The following MAP1B variants were observed in gnomAD, a reference collection of about 807,000 sequenced individuals.
MAP1B encodes microtubule-associated protein 1B.
In MAP1B, 12 loss-of-function variants were observed where a neutral mutation model predicts 176.1. The observed-to-expected ratio is 0.07, with a 90% CI of 0.04 to 0.11. The LOEUF (loss-of-function observed/expected upper bound fraction) is 0.11, where lower values mean the gene tolerates loss of function less well. MAP1B is among the 10% of genes least tolerant of loss of function. The pLI is 1.00. For missense variants in MAP1B, 2,523 were observed against 2,990.5 expected (o/e 0.84, Z 3.65); for synonymous variants, 1,044 against 1,135.0 (o/e 0.92, Z 1.61).
intron 2 of MAP1B, among the ~76,000 whole-genome samples, chr5:72,181,627 G>T (rs1449853128): frequency 6.6e-6 from 1 of 151,972 alleles, no homozygotes; most frequent in South Asian, 2.1e-4. Flanking sequence ...ACATGTTCTT[G>T]GCTCACTGCA....
rs757286026 is a variant in MAP1B, at chr5:72,199,044, C to T, written c.5689C>T (p.Arg1897Trp). ...YDYESYEKTT[R>W]TSDVGGYYYE... is the part of the protein sequence containing the mutation. ...CTATGAGTCTTATGAGAAGACCACC[C>T]GGACCTCAGATGTGGGTGGCTATTA... Residue 1897 changes from arginine to tryptophan, a missense_variant, in exon 5 of 7, where the codon CGG becomes TGG. Transcript: ENST00000296755. The surrounding 1 kb of genome is among the most constrained non-coding windows in gnomAD (Gnocchi z 4.2). 16 of 1,613,982 alleles carry T rather than the reference C, an allele frequency of 9.9e-6. No homozygotes were observed. The highest frequency in any genetic ancestry group is 2.7e-5 in the African/African-American group (2 of 74,888).
At position 72,198,110 on chromosome 5, in the gene MAP1B, A is replaced by G; in HGVS notation, c.4755A>G (p.Glu1585=). 2 of 1,614,190 alleles carry G rather than the reference A, an allele frequency of 1.2e-6. No homozygotes were observed. Among genetic ancestry groups the G allele is most frequent in the Non-Finnish European group, 1.7e-6 (2 of 1,180,020 alleles). The change falls in exon 5 of 7, where the codon GAA becomes GAG. Residue 1585 remains glutamate (E), a synonymous_variant. Coordinates refer to ENST00000296755, the MANE Select transcript of MAP1B (RefSeq NM_005909.5). ...HAEVGSPHST[E]VDDSLSVSVV... ...AGGTTGGCTCCCCACATTCCACAGA[A>G]GTAGATGACTCCCTTTCAGTGTCTG...
Position 72,196,424 on chromosome 5 carries a change from G to A in MAP1B, c.3069G>A (p.Glu1023=). The change falls in exon 5 of 7, where the codon GAG becomes GAA. Residue 1023 remains glutamate, a synonymous_variant. Transcript: ENST00000296755. This position sits in a 1 kb window ranked among gnomAD's most constrained non-coding sequence, Gnocchi z 5.3. ...AATCTGAAGAGGAGGCTGATGAGGA[G>A]GACAAAGCTGAAGATGCCAGAGAGG... ...AEQSEEEADE[E]DKAEDAREEE... The A allele has an allele frequency of 6.2e-7, 1 of 1,613,890 alleles. No individual in the cohort carries two copies. The highest frequency in any genetic ancestry group is 8.5e-7 in the Non-Finnish European group (1 of 1,179,994).
chr5:72,160,302 T>C (rs905981211), intron 2 of MAP1B, among the ~76,000 whole-genome samples: 2 of 152,226 alleles, frequency 1.3e-5, no homozygotes, highest in African/African-American at 4.8e-5. Flanking sequence ...ATCACATCTT[T>C]GATCAAGAGC....
In MAP1B at chr5:72,197,975, A is replaced by G; in HGVS notation, c.4620A>G (p.Glu1540=). 1 of 1,614,230 alleles carries G rather than the reference A, an allele frequency of 6.2e-7. No individual in the cohort carries two copies. ...SATPVDEGVA[E]DTYSHMEGVA... ...CTCCTGTTGATGAGGGCGTAGCAGA[A>G]GACACGTACTCTCATATGGAGGGTG... The change falls in exon 5 of 7, where the codon GAA becomes GAG. Residue 1540 remains glutamate (E), a synonymous_variant. Coordinates refer to ENST00000296755, the MANE Select transcript of MAP1B (RefSeq NM_005909.5).
At chr5:72,108,099 C>T (rs1450226462) in intron 1 of MAP1B, among the ~76,000 whole-genome samples, 1 of 152,196 alleles carries the variant, frequency 6.6e-6, no homozygotes, top group East Asian at 1.9e-4. Context: ...CCTCTTCTGG[C>T]CTCAGGAAAA....
chr5:72,182,554 C>T (rs1168870314), intron 2 of MAP1B, among the ~76,000 whole-genome samples: 1 of 152,204 alleles, frequency 6.6e-6, no homozygotes, highest in African/African-American at 2.4e-5. Context: ...AGCATCTGTT[C>T]GGGTTCCTGC....
At chr5:72,166,793 A>G (rs1746440042) in intron 2 of MAP1B, among the ~76,000 whole-genome samples, 1 of 152,180 alleles carries the variant, frequency 6.6e-6, no homozygotes, top group Non-Finnish European at 1.5e-5. Context: ...CTCATTAAGT[A>G]GTACTTTGAG....
At chr5:72,190,635 G>A (rs1197373706) in intron 4 of MAP1B, among the ~76,000 whole-genome samples, 2 of 151,994 alleles carry the variant, frequency 1.3e-5, no homozygotes, top group Non-Finnish European at 2.9e-5. Flanking sequence ...GCATGCCTTC[G>A]CCATTTTTAT....
At position 72,198,095 on chromosome 5, in the gene MAP1B, C is replaced by T; in HGVS notation, c.4740C>T (p.Ser1580=). The part of the protein sequence containing the change: ...VSPSLHAEVG[S]PHSTEVDDSL... ...CATCTCTGCATGCTGAGGTTGGCTCCCCACATTCCACAGAAGTAGATGACT... is the reference window on the plus strand; with the variant it reads ...CATCTCTGCATGCTGAGGTTGGCTCTCCACATTCCACAGAAGTAGATGACT... The change falls in exon 5 of 7, where the codon TCC becomes TCT. Residue 1580 remains serine, a synonymous_variant. Transcript: ENST00000296755. 1 of 1,614,142 alleles carries T rather than the reference C, an allele frequency of 6.2e-7. No individual in the cohort carries two copies. Among genetic ancestry groups the T allele is most frequent in the Non-Finnish European group, 8.5e-7 (1 of 1,180,002 alleles).
chr5:72,121,493 C>T (rs182654571), intron 2 of MAP1B, among the ~76,000 whole-genome samples: 211 of 152,240 alleles, frequency 1.4e-3, no homozygotes, highest in Admixed American at 2.5e-3. Context: ...AGAAGATAAA[C>T]GAACCACAGC....
chr5:72,146,776 C>G (rs983785511), intron 2 of MAP1B, among the ~76,000 whole-genome samples: 2 of 152,104 alleles, frequency 1.3e-5, no homozygotes, highest in African/African-American at 4.8e-5. Flanking sequence ...AGGCAGGACT[C>G]CTAAGAACCT....
chr5:72,108,215 T>C (rs1745160738), intron 1 of MAP1B, among the ~76,000 whole-genome samples: 1 of 152,188 alleles, frequency 6.6e-6, no homozygotes, highest in Admixed American at 6.5e-5. Context: ...AAACGCCTTT[T>C]CTGATTTCAA....
At chr5:72,193,765 A>T in intron 4 of MAP1B, 101 bp from the exon 5 acceptor site, 2 of 1,302,216 alleles carry the variant, frequency 1.5e-6, no homozygotes, top group Non-Finnish European at 2.1e-6. Context: ...TCCTATGTGC[A>T]TCCTGTGATC....
intron 2 of MAP1B, chr5:72,116,040 A>G (rs1531313): frequency 2.0e-5 from 8 of 409,776 alleles, no homozygotes; most frequent in African/African-American, 6.1e-5. Context: ...GTGTATGTGT[A>G]TATATATACA....
Position 72,198,840 on chromosome 5 carries a change from C to G in MAP1B, c.5485C>G (p.Pro1829Ala). Residue 1829 changes from proline (P) to alanine (A), a missense_variant, in exon 5 of 7, where the codon CCC becomes GCC. Pro to Ala is a conservative substitution (Grantham distance 27). Coordinates refer to ENST00000296755, the MANE Select transcript of MAP1B (RefSeq NM_005909.5). ...ACCAATAGATGCAGCATCCGCAGAG[C>G]CCTATGGCTTCCGTGCCTCAGTGTT... ...SPPIDAASAE[P>A]YGFRASVLFD... The G allele has an allele frequency of 6.2e-7, 1 of 1,614,216 alleles. No homozygotes were observed. The highest frequency in any genetic ancestry group is 8.5e-7 in the Non-Finnish European group (1 of 1,180,034).
chr5:72,115,843 A>C (rs4406116), intron 2 of MAP1B, 44 bp downstream of exon 2: 5 of 1,361,098 alleles, frequency 3.7e-6, no homozygotes, highest in Non-Finnish European at 5.3e-6. Flanking sequence ...ATTCCAAAGG[A>C]CAAGGAGCAA....
At position 72,200,822 on chromosome 5, in the gene MAP1B, T is replaced by C. The variant is rs151042255; in HGVS notation, c.7012+455T>C. 2.1e-3 allele frequency among the ~76,000 whole-genome samples: 323 copies of C among 152,242 alleles called. 1 individual carries two copies. Among genetic ancestry groups the C allele is most frequent in the African/African-American group, 7.2e-3 (300 of 41,526 alleles). ...ACCAGTCTAGACCCAAGATTTAGAGTCCTTTTTTAAAAAAAATTTTTTTTA... is the reference window on the plus strand; with the variant it reads ...ACCAGTCTAGACCCAAGATTTAGAGCCCTTTTTTAAAAAAAATTTTTTTTA... On this transcript the variant is annotated intron_variant, in intron 5 of 6. Transcript: ENST00000296755.
chr5:72,135,886 G>A (rs1444048839), intron 2 of MAP1B, among the ~76,000 whole-genome samples: 2 of 152,150 alleles, frequency 1.3e-5, no homozygotes, highest in Non-Finnish European at 2.9e-5. Flanking sequence ...TATTGCTCCT[G>A]TAGGACTGAT....
Sources: gnomAD v4.1 joint callset for allele counts (sites outside exome capture counted in the v4.1 genomes callset) on GRCh38, gnomAD v4.1.1 for gene constraint, Gnocchi (gnomAD v3.1) non-coding constraint, MANE v1.5 for transcripts, NCBI Gene and HGNC (gene_info 2026-07-23, HGNC 2026-07-21) for gene names.